The following ABLIM2 variants were observed in gnomAD, a reference collection of about 807,000 sequenced individuals.
ABLIM2 encodes the protein actin-binding LIM protein 2.
Under a neutral mutation model 97.7 loss-of-function variants are expected in ABLIM2, and 53 were observed. The ratio of observed to expected loss-of-function variants is 0.54; its 90% confidence interval spans 0.44 to 0.68. The LOEUF is 0.68. ABLIM2 is among the 30% of genes least tolerant of loss of function. The pLI is 0.00. For missense variants in ABLIM2, 835 were observed against 867.2 expected (o/e 0.96, Z 0.47); for synonymous variants, 361 against 345.8 (o/e 1.04, Z -0.49).
intron 7 of ABLIM2, among the ~76,000 whole-genome samples, chr4:8,055,850 C>T (rs542773581): frequency 5.3e-5 from 8 of 152,226 alleles, no homozygotes; most frequent in Admixed American, 1.3e-4. Flanking sequence ...CGGTGGCTCA[C>T]GCCTGTAATC....
chr4:8,118,220 T>C (rs1843656515), intron 1 of ABLIM2, among the ~76,000 whole-genome samples: 1 of 152,126 alleles, frequency 6.6e-6, no homozygotes, highest in South Asian at 2.1e-4. Context: ...CGCCAGGGCT[T>C]AGGGATCCTT....
rs1822445015 is a variant in ABLIM2 at position 8,085,033 on chromosome 4, T to C, written c.454+3136A>G. Among the ~76,000 whole-genome samples the C allele has an allele frequency of 6.7e-6, 1 of 150,294 alleles. No homozygotes were observed. Among genetic ancestry groups the C allele is most frequent in the Non-Finnish European group, 1.5e-5 (1 of 67,416 alleles). On this transcript the variant is annotated intron_variant, in intron 4 of 20. Transcript: ENST00000447017. The surrounding 1 kb of genome is among the most constrained non-coding windows in gnomAD (Gnocchi z 6.1). Reference sequence around the variant, plus strand: ...GACACAGGGGACCTCCCAACGAGAGTGGTGGGGAAGCTGAGGCATGCGGGG... The same window carrying C: ...GACACAGGGGACCTCCCAACGAGAGCGGTGGGGAAGCTGAGGCATGCGGGG...
At chr4:8,151,626 G>A (rs1285059661) in intron 1 of ABLIM2, among the ~76,000 whole-genome samples, 1 of 152,202 alleles carries the variant, frequency 6.6e-6, no homozygotes, top group African/African-American at 2.4e-5. Context: ...CCAAACAGTG[G>A]GCGGGGTGGG....
chr4:8,049,275 T>C (rs745925386), intron 8 of ABLIM2, among the ~76,000 whole-genome samples: 1 of 152,228 alleles, frequency 6.6e-6, no homozygotes, highest in Non-Finnish European at 1.5e-5. Flanking sequence ...AGTGACCATA[T>C]GATCAAACGC....
At chr4:7,976,386 C>G (rs1001772609) in intron 20 of ABLIM2, among the ~76,000 whole-genome samples, 4 of 152,210 alleles carry the variant, frequency 2.6e-5, no homozygotes, top group African/African-American at 9.7e-5. Context: ...GAAACAGTCT[C>G]CCTGCCTCTA....
intron 3 of ABLIM2, among the ~76,000 whole-genome samples, chr4:8,091,819 A>AT (rs1828794488): frequency 1.5e-5 from 1 of 68,644 alleles, no homozygotes; most frequent in Non-Finnish European, 2.1e-5. Flanking sequence ...ATATTATATA[A>AT]TATATTATAT....
chr4:8,092,537 C>A (rs1036269841), intron 3 of ABLIM2, among the ~76,000 whole-genome samples: 3 of 152,100 alleles, frequency 2.0e-5, no homozygotes, highest in African/African-American at 7.2e-5. Context: ...TCCTGGACTC[C>A]CTCTTTTCAC....
intron 1 of ABLIM2, among the ~76,000 whole-genome samples, chr4:8,142,354 C>T (rs1374024291): frequency 6.6e-6 from 1 of 152,206 alleles, no homozygotes; most frequent in Non-Finnish European, 1.5e-5. Context: ...AACATCACCC[C>T]TGGGGCCAGC....
chr4:8,157,092 G>A (rs867842332), intron 1 of ABLIM2, among the ~76,000 whole-genome samples: 2 of 152,176 alleles, frequency 1.3e-5, no homozygotes, highest in African/African-American at 4.8e-5. Flanking sequence ...GCTCTTACAG[G>A]TCAGGAAGCC....
intron 6 of ABLIM2, among the ~76,000 whole-genome samples, chr4:8,073,769 G>C (rs1813975012): frequency 6.6e-6 from 1 of 152,164 alleles, no homozygotes; most frequent in African/African-American, 2.4e-5. Flanking sequence ...ACAGATAACT[G>C]AAATACAAGA....
intron 3 of ABLIM2, among the ~76,000 whole-genome samples, chr4:8,091,617 TTTTATATAAAATTA>T: frequency 2.2e-5 from 1 of 46,258 alleles, no homozygotes; most frequent in African/African-American, 1.7e-4. Context: ...TTATGTATAA[TTTTATATAAAATTA>T]TATATATAAT....
Position 8,130,972 on chromosome 4 carries a change from G to A in ABLIM2, c.11-24335C>T, listed in dbSNP as rs991838460. Among the ~76,000 whole-genome samples the A allele has an allele frequency of 6.6e-6, 1 of 152,130 alleles. No individual in the cohort carries two copies. Among genetic ancestry groups the A allele is most frequent in the African/African-American group, 2.4e-5 (1 of 41,400 alleles). On this transcript the variant is annotated intron_variant, in intron 1 of 20. Transcript: ENST00000447017. This position sits in a 1 kb window ranked among gnomAD's most constrained non-coding sequence, Gnocchi z 4.2. ...GGGGAGGCTGCCGTTACCTCGCCCTGCTCTTGGGGCAGCCTGCATTTCCTG... is the reference window on the plus strand; with the variant it reads ...GGGGAGGCTGCCGTTACCTCGCCCTACTCTTGGGGCAGCCTGCATTTCCTG...
chr4:8,002,283 A>T lies in ABLIM2; in HGVS notation c.1618+5776T>A, dbSNP rs185430805. On this transcript the variant is annotated intron_variant, in intron 16 of 20. Coordinates refer to ENST00000447017, the MANE Select transcript of ABLIM2 (RefSeq NM_001130083.2). The surrounding 1 kb of genome is among the most constrained non-coding windows in gnomAD (Gnocchi z 6.1). ...CCACCTGTTCTCATCCCATCTCTGA[A>T]TAAAGGTGGCCTCTGCCGGCCTGCA... Among the ~76,000 whole-genome samples, 149 of 152,240 alleles carry T rather than the reference A, an allele frequency of 9.8e-4. 1 individual carries two copies. The highest frequency in any genetic ancestry group is 3.4e-3 in the African/African-American group (142 of 41,548).
rs1841093865 is a variant in ABLIM2, at chr4:8,112,954, C to G, written c.11-6317G>C. 1.3e-5 allele frequency among the ~76,000 whole-genome samples: 2 copies of G among 152,164 alleles called. No individual in the cohort carries two copies. Among genetic ancestry groups the G allele is most frequent in the Non-Finnish European group, 2.9e-5 (2 of 68,032 alleles). On this transcript the variant is annotated intron_variant, in intron 1 of 20. Transcript: ENST00000447017. The surrounding 1 kb of genome is among the most constrained non-coding windows in gnomAD (Gnocchi z 4.2). The stretch of plus-strand genomic sequence containing the variant: ...GGGGAGAGAGGTGTGCCATTCAGCA[C>G]CACACCAGCGTGACAGGCACAGGAA...
At chr4:8,154,276 C>G (rs1214818045) in intron 1 of ABLIM2, among the ~76,000 whole-genome samples, 2 of 82,322 alleles carry the variant, frequency 2.4e-5, no homozygotes, top group Non-Finnish European at 5.7e-5. Flanking sequence ...ATTTTCTTTT[C>G]TTTTCTTTTT....
rs1711546175 is a variant in ABLIM2 at position 8,148,777 on chromosome 4, G to A, written c.10+9903C>T. Among the ~76,000 whole-genome samples the A allele has an allele frequency of 1.3e-5, 2 of 152,208 alleles. No individual in the cohort carries two copies. The highest frequency in any genetic ancestry group is 2.1e-4 in the South Asian group (1 of 4,826). Reference sequence around the variant, plus strand: ...GGACAAGCCCAACCCCAACAGAGATGAGGAGGCCAAGGCTCAGGGGGTACA... The same window carrying A: ...GGACAAGCCCAACCCCAACAGAGATAAGGAGGCCAAGGCTCAGGGGGTACA... On this transcript the variant is annotated intron_variant, in intron 1 of 20. Transcript: ENST00000447017. The surrounding 1 kb of genome is among the most constrained non-coding windows in gnomAD (Gnocchi z 6.7).
chr4:8,096,794 G>C (rs780084482), intron 3 of ABLIM2, among the ~76,000 whole-genome samples: 7 of 152,206 alleles, frequency 4.6e-5, no homozygotes, highest in Non-Finnish European at 4.4e-5. Flanking sequence ...AGCGGGGCCG[G>C]TGCAGTCCTG....
At chr4:8,146,622 C>T (rs1455856656) in intron 1 of ABLIM2, among the ~76,000 whole-genome samples, 2 of 152,170 alleles carry the variant, frequency 1.3e-5, no homozygotes, top group African/African-American at 4.8e-5. Context: ...TCACTGCAGC[C>T]TCAACCTCCC....
rs1760571055 is a variant in ABLIM2 at position 8,005,414 on chromosome 4, T to C, written c.1618+2645A>G. On this transcript the variant is annotated intron_variant, in intron 16 of 20. Coordinates refer to ENST00000447017, the MANE Select transcript of ABLIM2 (RefSeq NM_001130083.2). The surrounding 1 kb of genome is among the most constrained non-coding windows in gnomAD (Gnocchi z 4.9). ...ACAATCCTACCTTCCTTGGGCGCGC[T>C]ACAGATGGACGTCCCGGGGTGCAGG... 1.9e-6 allele frequency: 1 copy of C among 533,638 alleles called. No individual in the cohort carries two copies. The highest frequency in any genetic ancestry group is 1.4e-5 in the South Asian group (1 of 71,540). The allele number at this position is 533,638 out of a possible 1,614,324, so 33.1% of individuals were successfully genotyped here. A position where few individuals can be genotyped will look rare whatever the true frequency, so the allele number is the denominator to read the frequency against.
Sources: gnomAD v4.1 joint callset for allele counts (sites outside exome capture counted in the v4.1 genomes callset) on GRCh38, gnomAD v4.1.1 for gene constraint, Gnocchi (gnomAD v3.1) non-coding constraint, MANE v1.5 for transcripts, NCBI Gene and HGNC (gene_info 2026-07-23, HGNC 2026-07-21) for gene names.